The following SEL1L variants were observed in gnomAD, a reference collection of about 807,000 sequenced individuals.
The protein encoded by SEL1L is protein sel-1 homolog 1.
In SEL1L, 52 loss-of-function variants were observed where a neutral mutation model predicts 109.8. That is an observed-to-expected ratio of 0.47 (90% CI 0.38 to 0.60). SEL1L has a LOEUF of 0.60. Among genes scored for constraint, SEL1L ranks in the 20% least tolerant of loss-of-function variants. SEL1L has a pLI of 0.00. For missense variants in SEL1L, 749 were observed against 962.2 expected (o/e 0.78, Z 2.93); for synonymous variants, 373 against 339.6 (o/e 1.10, Z -1.08).
At position 81,492,345 on chromosome 14, in the gene SEL1L, T is replaced by C. The variant is rs902009258; in HGVS notation, c.1254+135A>G. ...AAGAAAATGCCTCAGAACAGCACTT[T>C]AAGATATAATAGTCTTGCACTAGAA... On this transcript the variant is annotated intron_variant, in intron 12 of 20. Coordinates refer to ENST00000336735, the MANE Select transcript of SEL1L (RefSeq NM_005065.6). The C allele has an allele frequency of 5.6e-6, 4 of 714,702 alleles. No individual in the cohort carries two copies. The African/African-American group carries it at 7.3e-5, about 13-fold the overall frequency. The allele number at this position is 714,702 out of a possible 1,614,324, so 44.3% of individuals were successfully genotyped here.
At position 81,499,244 on chromosome 14, in the gene SEL1L, T is replaced by C. The variant is rs150679707; in HGVS notation, c.891+215A>G. The C allele has an allele frequency of 8.6e-4, 1,065 of 1,231,586 alleles. 9 individuals are homozygous for C. The African/African-American group carries it at 0.015, about 17-fold the overall frequency. The allele number at this position is 1,231,586 out of a possible 1,614,324, so 76.3% of individuals were successfully genotyped here. A position where few individuals can be genotyped will look rare whatever the true frequency, so the allele number is the denominator to read the frequency against. ...TTTTAGGGGCAATCAGCCAAACTAA[T>C]CATTTTAAAGAAAAATTGTGGACTC... On this transcript the variant is annotated intron_variant, in intron 8 of 20. Transcript: ENST00000336735.
chr14:81,504,585 T>C (rs1300234313), intron 4 of SEL1L, among the ~76,000 whole-genome samples: 2 of 152,122 alleles, frequency 1.3e-5, no homozygotes, highest in African/African-American at 4.8e-5. Flanking sequence ...TTTCTGTTGG[T>C]AATGCTAACT....
chr14:81,533,678 AG>A lies in SEL1L; in HGVS notation c.66del (p.Ser23ArgfsTer11). On this transcript the variant is annotated frameshift_variant, in exon 1 of 21. Coordinates refer to ENST00000336735, the MANE Select transcript of SEL1L (RefSeq NM_005065.6). LOFTEE classifies it high-confidence loss of function. ...CAVLLSLASASSDEEGSQDES... is the reference protein window; with the variant it reads ...CAVLLSLASAXSDEEGSQDES... ...GCCCGAGGGGGCGGATACTGACCCG[AG>A]GACGCCGAGGCCAAGCTCAGCAGCA... is the stretch of plus-strand genomic sequence containing the variant. 1 of 1,612,936 alleles carries A rather than the reference AG, an allele frequency of 6.2e-7. No individual in the cohort carries two copies. Among genetic ancestry groups the A allele is most frequent in the Non-Finnish European group, 8.5e-7 (1 of 1,179,784 alleles).
At chr14:81,498,297 A>AGTCCACAT in intron 9 of SEL1L, 116 bp downstream of exon 9, 1 of 870,698 alleles carries the variant, frequency 1.1e-6, no homozygotes, top group Non-Finnish European at 1.7e-6. Context: ...TTTAAAGATG[A>AGTCCACAT]GTCCACATAA....
At chr14:81,531,217 C>G (rs2140068639) in intron 1 of SEL1L, among the ~76,000 whole-genome samples, 1 of 152,306 alleles carries the variant, frequency 6.6e-6, no homozygotes, top group Middle Eastern at 3.4e-3. Context: ...TATATTCTTA[C>G]AGGGCCACCA....
chr14:81,496,782 A>G (rs1883771293), intron 10 of SEL1L, among the ~76,000 whole-genome samples: 1 of 152,216 alleles, frequency 6.6e-6, no homozygotes, highest in African/African-American at 2.4e-5. Context: ...AAATTTGAAA[A>G]TAAATGTAAA....
Position 81,499,661 on chromosome 14 carries a change from G to A in SEL1L, c.779C>T (p.Ala260Val), listed in dbSNP as rs778475218. ...TEEGSPKGQT[A>V]LGFLYASGLG... ...TCCAGAGGCATACAGAAAGCCAAGAGCCTGAAATAGATGATAAAAGTAAGA... is the reference window on the plus strand; with the variant it reads ...TCCAGAGGCATACAGAAAGCCAAGAACCTGAAATAGATGATAAAAGTAAGA... Residue 260 changes from alanine (A) to valine (V), a missense_variant and splice_region_variant, in exon 7 of 21, where the codon GCT becomes GTT. By Grantham distance (64) the Ala-to-Val change is moderately conservative. Transcript: ENST00000336735. The A allele has an allele frequency of 6.2e-7, 1 of 1,603,864 alleles. No individual in the cohort carries two copies. Among genetic ancestry groups the A allele is most frequent in the Non-Finnish European group, 8.5e-7 (1 of 1,177,684 alleles).
rs1434514925 is a variant in SEL1L, at chr14:81,475,641, A to T, written c.*1331T>A. On this transcript the variant is annotated 3_prime_UTR_variant, in exon 21 of 21. Transcript: ENST00000336735. ...CTGGTGAACACCACCATCTGACAAT[A>T]AAATGAAATACAAATTCAGTTTAAG... is the stretch of plus-strand genomic sequence containing the variant. 3 of 152,222 alleles carry T rather than the reference A, an allele frequency of 2.0e-5. No homozygotes were observed. Among genetic ancestry groups the T allele is most frequent in the Non-Finnish European group, 4.4e-5 (3 of 68,038 alleles). 9.4% of individuals were successfully genotyped at this position (152,222 alleles called of 1,614,324 possible).
Position 81,472,987 on chromosome 14 carries a change from CTATT to C in SEL1L, c.*3981_*3984del, listed in dbSNP as rs1903052173. ...GTACAAAACGATTCTGTACATCTCT[CTATT>C]AACAGGATTTGTTTACACAATTATA... On this transcript the variant is annotated 3_prime_UTR_variant, in exon 21 of 21. Transcript: ENST00000336735. 1 of 155,782 alleles carries C rather than the reference CTATT, an allele frequency of 6.4e-6. No individual in the cohort carries two copies. The highest frequency in any genetic ancestry group is 1.4e-5 in the Non-Finnish European group (1 of 70,000). The allele number at this position is 155,782 out of a possible 1,614,324, so 9.6% of individuals were successfully genotyped here. A position where few individuals can be genotyped will look rare whatever the true frequency, so the allele number is the denominator to read the frequency against.
chr14:81,497,416 G>A (rs536241178), intron 10 of SEL1L, among the ~76,000 whole-genome samples: 11 of 152,318 alleles, frequency 7.2e-5, no homozygotes, highest in East Asian at 1.9e-4. Context: ...TCCATTAAAC[G>A]AGCTTACTTC....
rs776014218 is a variant in SEL1L, at chr14:81,487,525, G to A, written c.1497C>T (p.Val499=). The A allele has an allele frequency of 3.1e-6, 5 of 1,598,076 alleles. No individual in the cohort carries two copies. Among genetic ancestry groups the A allele is most frequent in the Non-Finnish European group, 4.2e-6 (5 of 1,176,766 alleles). ...TCAAGGCCTGTTTATAATCTCTCTT[G>A]ACTCCAATGCCATCTGTAAGAAAAA... ...LGSMYYNGIG[V]KRDYKQALKY... Residue 499 remains valine (V), a synonymous_variant, in exon 16 of 21, where the codon GTC becomes GTT. Coordinates refer to ENST00000336735, the MANE Select transcript of SEL1L (RefSeq NM_005065.6).
At chr14:81,533,509 G>A (rs1337384841) in intron 1 of SEL1L, among the ~76,000 whole-genome samples, 166 bp downstream of exon 1, 3 of 152,180 alleles carry the variant, frequency 2.0e-5, no homozygotes, top group Non-Finnish European at 4.4e-5. Context: ...TTCCTAAATA[G>A]CCCCTTTGGC....
At chr14:81,530,903 A>C (rs963109035) in intron 1 of SEL1L, among the ~76,000 whole-genome samples, 2 of 152,220 alleles carry the variant, frequency 1.3e-5, no homozygotes, top group African/African-American at 4.8e-5. Flanking sequence ...TACTGTAGGC[A>C]ACTGTAACAT....
chr14:81,472,956 G>A lies in SEL1L; in HGVS notation c.*4016C>T. 1 of 171,618 alleles carries A rather than the reference G, an allele frequency of 5.8e-6. No homozygotes were observed. Among genetic ancestry groups the A allele is most frequent in the East Asian group, 1.7e-4 (1 of 5,890 alleles). 10.6% of individuals were successfully genotyped at this position (171,618 alleles called of 1,614,324 possible). On this transcript the variant is annotated 3_prime_UTR_variant, in exon 21 of 21. Transcript: ENST00000336735. ...GGAATCTTTATTTCACAAGTTTCAAGATACAGTACAAAACGATTCTGTACA... is the reference window on the plus strand; with the variant it reads ...GGAATCTTTATTTCACAAGTTTCAAAATACAGTACAAAACGATTCTGTACA...
chr14:81,526,963 G>T lies in SEL1L; in HGVS notation c.110C>A (p.Thr37Asn). ...GSQDESLDSK[T>N]TLTSDESVKD... ...TACTGACTCATCTGATGTCAAAGTA[G>T]TCTGAGAATATAAAGTATTTTTAGT... The change falls in exon 3 of 21, where the codon ACT (threonine) becomes AAT (asparagine). Residue 37 changes from threonine to asparagine, a missense_variant and splice_region_variant. Around this residue, in one of 2 missense-constraint regions of SEL1L, gnomAD observed 366 missense variants for 399.8 expected, o/e 0.92. Coordinates refer to ENST00000336735, the MANE Select transcript of SEL1L (RefSeq NM_005065.6). The T allele has an allele frequency of 6.2e-7, 1 of 1,604,432 alleles. No individual in the cohort carries two copies. Among genetic ancestry groups the T allele is most frequent in the Non-Finnish European group, 8.5e-7 (1 of 1,171,840 alleles).
rs1392748599 is a variant in SEL1L at position 81,527,566 on chromosome 14, A to G, written c.108+135T>C. On this transcript the variant is annotated intron_variant, in intron 2 of 20. Transcript: ENST00000336735. ...CAGAAAAACTAGAACTAATACTAAT[A>G]CCATCTGTCTTTTTCTGTCCTTTTT... is the stretch of plus-strand genomic sequence containing the variant. The G allele has an allele frequency of 1.8e-5, 10 of 569,616 alleles. No homozygotes were observed. The Admixed American group carries it at 1.8e-4, about 10-fold the overall frequency. 35.3% of individuals were successfully genotyped at this position (569,616 alleles called of 1,614,324 possible).
rs527803605 is a variant in SEL1L, at chr14:81,504,479, T to TAA, written c.509-175_509-174dup. 2.9e-3 allele frequency among the ~76,000 whole-genome samples: 436 copies of TAA among 149,988 alleles called. 2 individuals carry two copies. Among genetic ancestry groups the TAA allele is most frequent in the African/African-American group, 0.01 (414 of 40,222 alleles). On this transcript the variant is annotated intron_variant, in intron 4 of 20. Coordinates refer to ENST00000336735, the MANE Select transcript of SEL1L (RefSeq NM_005065.6). ...CCTTTACATGACACAAGATAAAACTTAAAAAAAATATATATATATATACAC... is the reference window on the plus strand; with the variant it reads ...CCTTTACATGACACAAGATAAAACTTAAAAAAAAAATATATATATATATACAC...
intron 10 of SEL1L, among the ~76,000 whole-genome samples, chr14:81,495,411 G>GA (rs1369962467): frequency 6.6e-6 from 1 of 152,196 alleles, no homozygotes; most frequent in Non-Finnish European, 1.5e-5. Flanking sequence ...GGTCATGGGT[G>GA]AATCACTTGA....
chr14:81,479,737 T>C lies in SEL1L; in HGVS notation c.2050A>G (p.Ile684Val). Residue 684 changes from isoleucine to valine, a missense_variant, in exon 20 of 21, where the codon ATT becomes GTT. By Grantham distance (29) the Ile-to-Val change is conservative. Coordinates refer to ENST00000336735, the MANE Select transcript of SEL1L (RefSeq NM_005065.6). Reference protein sequence around the residue: ...HEKGLGIKQDIHLAKRFYDMA... With the variant: ...HEKGLGIKQDVHLAKRFYDMA... ...TCATAAAAACGTTTCGCAAGGTGAA[T>C]ATCCTATAATACAGGTAAGAAACAA... is the stretch of plus-strand genomic sequence containing the variant. The C allele has an allele frequency of 1.2e-6, 2 of 1,611,292 alleles. No individual in the cohort carries two copies. The highest frequency in any genetic ancestry group is 1.3e-5 in the African/African-American group (1 of 74,834).
Sources: gnomAD v4.1 joint callset for allele counts (sites outside exome capture counted in the v4.1 genomes callset) on GRCh38, gnomAD v4.1.1 for gene constraint, gnomAD v4.1.1 regional missense constraint, MANE v1.5 for transcripts, NCBI Gene and HGNC (gene_info 2026-07-23, HGNC 2026-07-21) for gene names.